Variants in CDK6 observed in about 807,000 individuals in gnomAD.
The protein encoded by CDK6 is cyclin-dependent kinase 6.
Under a neutral mutation model 37.1 loss-of-function variants are expected in CDK6, and 6 were observed. The ratio of observed to expected loss-of-function variants is 0.16; its 90% CI spans 0.09 to 0.32. The LOEUF (loss-of-function observed/expected upper bound fraction) is 0.32. Among genes scored for constraint, CDK6 ranks in the 10% least tolerant of loss-of-function variants. CDK6 has a pLI of 1.00. For synonymous variants in CDK6, 160 were observed against 161.3 expected (o/e 0.99, Z 0.06); for missense variants, 224 against 418.9 (o/e 0.53, Z 4.06).
chr7:92,784,728 CTT>C (rs1466496307), intron 2 of CDK6, among the ~76,000 whole-genome samples: 1 of 152,150 alleles, frequency 6.6e-6, no homozygotes, highest in Non-Finnish European at 1.5e-5. Context: ...AGTGGTGCCT[CTT>C]TGCGTTTTGC....
In CDK6 at chr7:92,833,350, G is replaced by A. The variant is rs776615823; in HGVS notation, c.-27C>T. On this transcript the variant is annotated 5_prime_UTR_variant, in exon 2 of 8. Transcript: ENST00000424848. This position sits in a 1 kb window ranked among gnomAD's most constrained non-coding sequence, Gnocchi z 6.1. ...CCGCCTGGACGCCGCCCGCCGCGGC[G>A]CCGCTGGGGCGGGCGGGGGGTGCGC... is the stretch of plus-strand genomic sequence containing the variant. 7 of 1,515,878 alleles carry A rather than the reference G, an allele frequency of 4.6e-6. No individual in the cohort carries two copies. The East Asian group carries it at 1.7e-4, about 37-fold the overall frequency. The allele number at this position is 1,515,878 out of a possible 1,614,324, so 93.9% of individuals were successfully genotyped here.
At chr7:92,734,407 C>G (rs946389626) in intron 3 of CDK6, among the ~76,000 whole-genome samples, 4 of 152,196 alleles carry the variant, frequency 2.6e-5, no homozygotes, top group African/African-American at 9.7e-5. Flanking sequence ...TCAGCCCCCT[C>G]AGCCAAAGCC....
Position 92,833,435 on chromosome 7 carries a change from T to G in CDK6, c.-112A>C. The G allele has an allele frequency of 1.4e-6, 1 of 724,964 alleles. No individual in the cohort carries two copies. The highest frequency in any genetic ancestry group is 2.2e-6 in the Non-Finnish European group (1 of 464,304). 44.9% of individuals were successfully genotyped at this position (724,964 alleles called of 1,614,324 possible). On this transcript the variant is annotated 5_prime_UTR_variant, in exon 2 of 8. Transcript: ENST00000424848. This position sits in a 1 kb window ranked among gnomAD's most constrained non-coding sequence, Gnocchi z 6.1. ...GGGCTCCCCGGAGATCGGTCTAGCTTTACTTGCTCCCCGCCGGCTCAGGCG... is the reference window on the plus strand; with the variant it reads ...GGGCTCCCCGGAGATCGGTCTAGCTGTACTTGCTCCCCGCCGGCTCAGGCG...
intron 2 of CDK6, among the ~76,000 whole-genome samples, chr7:92,783,928 T>C (rs1800058908): frequency 6.6e-6 from 1 of 152,172 alleles, no homozygotes; most frequent in Non-Finnish European, 1.5e-5. Flanking sequence ...ATTCAGCTTC[T>C]TCCATAGTCC....
At chr7:92,796,773 T>TAG (rs1194766137) in intron 2 of CDK6, among the ~76,000 whole-genome samples, 1 of 152,158 alleles carries the variant, frequency 6.6e-6, no homozygotes, top group Non-Finnish European at 1.5e-5. Flanking sequence ...TTATACCAGT[T>TAG]AAACTTTTTT....
At chr7:92,725,285 A>T (rs1424135250) in intron 4 of CDK6, 13 of 985,420 alleles carry the variant, frequency 1.3e-5, no homozygotes, top group Non-Finnish European at 1.6e-5. Context: ...TTCTTCCCTG[A>T]CCTTGAGCTG....
chr7:92,689,422 T>G (rs1394415333), intron 4 of CDK6, among the ~76,000 whole-genome samples: 2 of 152,202 alleles, frequency 1.3e-5, no homozygotes, highest in Non-Finnish European at 2.9e-5. Context: ...GCAAAGGACA[T>G]GATCTCATTT....
chr7:92,773,186 CA>C (rs1422063938), intron 3 of CDK6, among the ~76,000 whole-genome samples: 12 of 152,080 alleles, frequency 7.9e-5, no homozygotes, highest in African/African-American at 2.9e-4. Flanking sequence ...GAGATATGTA[CA>C]TTAAAAAATC....
At chr7:92,705,469 G>A (rs931975174) in intron 4 of CDK6, among the ~76,000 whole-genome samples, 1 of 152,108 alleles carries the variant, frequency 6.6e-6, no homozygotes, top group Non-Finnish European at 1.5e-5. Flanking sequence ...AAAGAGCTTT[G>A]AGCAGCATTA....
chr7:92,757,344 CTTCT>C (rs1399769983), intron 3 of CDK6, among the ~76,000 whole-genome samples: 1 of 152,150 alleles, frequency 6.6e-6, no homozygotes, highest in Non-Finnish European at 1.5e-5. Flanking sequence ...CTGTTGTTCC[CTTCT>C]TTGTGTTCAT....
intron 2 of CDK6, among the ~76,000 whole-genome samples, chr7:92,808,919 T>C (rs1274050040): frequency 6.6e-6 from 1 of 152,178 alleles, no homozygotes; most frequent in African/African-American, 2.4e-5. Context: ...ATGTTTTCTG[T>C]AGGAATTTTT....
chr7:92,749,674 T>A (rs1799143848), intron 3 of CDK6, among the ~76,000 whole-genome samples: 1 of 152,204 alleles, frequency 6.6e-6, no homozygotes, highest in Admixed American at 6.5e-5. Context: ...CAGCACTTGG[T>A]GGGTGTGTCC....
chr7:92,836,366 C>A (rs954327592), intron 1 of CDK6, 112 bp downstream of exon 1: 1 of 150,992 alleles, frequency 6.6e-6, no homozygotes, highest in Non-Finnish European at 1.5e-5. Context: ...CACCCCCCGC[C>A]ACCCTCCACT....
At chr7:92,648,667 C>T (rs917723693) in intron 5 of CDK6, among the ~76,000 whole-genome samples, 11 of 152,138 alleles carry the variant, frequency 7.2e-5, no homozygotes, top group African/African-American at 1.9e-4. Context: ...CTAGAATGCC[C>T]AGTTCAATAC....
intron 3 of CDK6, among the ~76,000 whole-genome samples, chr7:92,740,335 A>G (rs1482424619): frequency 3.3e-5 from 5 of 152,072 alleles, no homozygotes; most frequent in African/African-American, 1.2e-4. Context: ...TCCAACATAC[A>G]CATCTTGTCT....
chr7:92,825,133 A>G (rs950148877), intron 2 of CDK6, among the ~76,000 whole-genome samples: 1 of 152,008 alleles, frequency 6.6e-6, no homozygotes, highest in African/African-American at 2.4e-5. Flanking sequence ...ACCACATACC[A>G]TTTTTTGGGT....
chr7:92,833,380 C>G lies in CDK6; in HGVS notation c.-57G>C. On this transcript the variant is annotated 5_prime_UTR_variant, in exon 2 of 8. Transcript: ENST00000424848. The surrounding 1 kb of genome is among the most constrained non-coding windows in gnomAD (Gnocchi z 6.1). Reference sequence around the variant, plus strand: ...TGGGGCGGGCGGGGGGTGCGCTCAACTAGCTGGCGGCCGCCGCTCGCCTAC... The same window carrying G: ...TGGGGCGGGCGGGGGGTGCGCTCAAGTAGCTGGCGGCCGCCGCTCGCCTAC... 1 of 1,282,508 alleles carries G rather than the reference C, an allele frequency of 7.8e-7. No individual in the cohort carries two copies. Among genetic ancestry groups the G allele is most frequent in the Admixed American group, 2.5e-5 (1 of 39,336 alleles). 79.4% of individuals were successfully genotyped at this position (1,282,508 alleles called of 1,614,324 possible).
At chr7:92,745,434 T>C (rs753591318) in intron 3 of CDK6, among the ~76,000 whole-genome samples, 16 of 152,184 alleles carry the variant, frequency 1.1e-4, no homozygotes, top group African/African-American at 2.4e-4. Flanking sequence ...AGGATTTTCA[T>C]GCCTGCCATT....
intron 5 of CDK6, among the ~76,000 whole-genome samples, chr7:92,647,503 G>A (rs1796479108): frequency 6.6e-6 from 1 of 152,170 alleles, no homozygotes; most frequent in African/African-American, 2.4e-5. Context: ...TTCTTGAAGG[G>A]ACCGATATAA....
Sources: gnomAD v4.1 joint callset for allele counts (sites outside exome capture counted in the v4.1 genomes callset) on GRCh38, gnomAD v4.1.1 for gene constraint, Gnocchi (gnomAD v3.1) non-coding constraint, MANE v1.5 for transcripts, NCBI Gene and HGNC (gene_info 2026-07-23, HGNC 2026-07-21) for gene names.